The following LGSN variants were observed in gnomAD, a reference collection of about 807,000 sequenced individuals.
LGSN encodes the protein lengsin, lens protein with glutamine synthetase domain, also known as lengsin.
A neutral mutation model predicts 19.5 loss-of-function variants in LGSN; 21 were observed. That is an observed-to-expected ratio of 1.07 (90% CI 0.76 to 1.55). The LOEUF (loss-of-function observed/expected upper bound fraction) is 1.55. Ranked by LOEUF, LGSN falls within the 40% of genes most tolerant of loss-of-function variation. The pLI is 0.00. For synonymous variants in LGSN, 257 were observed against 215.6 expected (o/e 1.19, Z -1.68); for missense variants, 673 against 608.5 (o/e 1.11, Z -1.12).
chr6:63,393,390 G>T, the LGSN span, among the ~76,000 whole-genome samples: 1 of 151,050 alleles, frequency 6.6e-6, no homozygotes, highest in Non-Finnish European at 1.5e-5. Flanking sequence ...TGTTGGTCAG[G>T]CTGGTCTCGA....
At chr6:63,470,933 C>CTTTTTT in the LGSN span, among the ~76,000 whole-genome samples, 11 of 73,062 alleles carry the variant, frequency 1.5e-4, no homozygotes, top group Non-Finnish European at 2.1e-4. Flanking sequence ...TTCAGTCTTT[C>CTTTTTT]TTTTTTTTTT....
At chr6:63,288,402 A>G (rs1433852643) in intron 2 of LGSN, among the ~76,000 whole-genome samples, 3 of 151,868 alleles carry the variant, frequency 2.0e-5, no homozygotes, top group Non-Finnish European at 1.5e-5. Context: ...TGGGGCAAGT[A>G]TAGATAATAA....
the LGSN span, among the ~76,000 whole-genome samples, chr6:63,475,213 C>T: frequency 6.6e-6 from 1 of 151,238 alleles, no homozygotes; most frequent in African/African-American, 2.4e-5. Context: ...TCATCATATA[C>T]TTCATAGTCC....
the LGSN span, among the ~76,000 whole-genome samples, chr6:63,373,248 T>C: frequency 6.6e-6 from 1 of 152,212 alleles, no homozygotes; most frequent in Non-Finnish European, 1.5e-5. Flanking sequence ...AGAAAAAAGA[T>C]ATTTAAGTGA....
chr6:63,540,309 A>G, the LGSN span, among the ~76,000 whole-genome samples: 2 of 152,136 alleles, frequency 1.3e-5, no homozygotes, highest in African/African-American at 2.4e-5. Context: ...TAAAATCCAG[A>G]TGTGTATAGA....
chr6:63,396,944 G>C, the LGSN span: 1 of 152,658 alleles, frequency 6.6e-6, no homozygotes, highest in East Asian at 1.9e-4. Flanking sequence ...TGGCTGGTGA[G>C]GGCTAGACCC....
chr6:63,484,422 A>T, the LGSN span, among the ~76,000 whole-genome samples: 1 of 151,876 alleles, frequency 6.6e-6, no homozygotes, highest in Non-Finnish European at 1.5e-5. Flanking sequence ...TACTCAGGAG[A>T]CTGAGACAGG....
the LGSN span, among the ~76,000 whole-genome samples, chr6:63,464,708 T>C: frequency 6.6e-6 from 1 of 151,788 alleles, no homozygotes; most frequent in African/African-American, 2.4e-5. Flanking sequence ...AACTTTAAAT[T>C]TTATTAAAAG....
chr6:63,490,587 T>C, the LGSN span, among the ~76,000 whole-genome samples: 1 of 152,060 alleles, frequency 6.6e-6, no homozygotes, highest in African/African-American at 2.4e-5. Context: ...ATTATTATTA[T>C]TATTTTTGAG....
the LGSN span, among the ~76,000 whole-genome samples, chr6:63,454,148 T>C: frequency 6.6e-6 from 1 of 152,336 alleles, no homozygotes; most frequent in African/African-American, 2.4e-5. Context: ...ATTTTTAGTG[T>C]CTTTTTTATT....
the LGSN span, among the ~76,000 whole-genome samples, chr6:63,331,421 T>A: frequency 6.6e-6 from 1 of 152,096 alleles, no homozygotes; most frequent in African/African-American, 2.4e-5. Context: ...CAGAAAAAAA[T>A]GAGCCACCTC....
chr6:63,533,390 A>G, the LGSN span, among the ~76,000 whole-genome samples: 1 of 152,206 alleles, frequency 6.6e-6, no homozygotes, highest in East Asian at 1.9e-4. Flanking sequence ...TCAAAAAAGA[A>G]AACAATAAGA....
chr6:63,528,758 GTC>G, the LGSN span, among the ~76,000 whole-genome samples: 13 of 150,094 alleles, frequency 8.7e-5, no homozygotes, highest in African/African-American at 3.2e-4. Context: ...GTGAGACCCT[GTC>G]TCAAAAAAAA....
the LGSN span, among the ~76,000 whole-genome samples, chr6:63,400,716 G>A: frequency 2.0e-5 from 3 of 152,296 alleles, no homozygotes; most frequent in Admixed American, 6.5e-5. Flanking sequence ...AATTTCGGCC[G>A]GGCGTGGTGG....
chr6:63,512,192 C>G, the LGSN span, among the ~76,000 whole-genome samples: 1 of 151,982 alleles, frequency 6.6e-6, no homozygotes, highest in Non-Finnish European at 1.5e-5. Flanking sequence ...AAGCGATTCT[C>G]CTGCCTCAGC....
the LGSN span, among the ~76,000 whole-genome samples, chr6:63,450,930 C>T: frequency 6.6e-6 from 1 of 152,068 alleles, no homozygotes; most frequent in East Asian, 1.9e-4. Flanking sequence ...TGGCCTTGGC[C>T]TCCCAAAGTG....
the LGSN span, among the ~76,000 whole-genome samples, chr6:63,412,415 G>GAAGAAAGA: frequency 7.7e-3 from 826 of 107,812 alleles, 14 homozygotes; most frequent in Middle Eastern, 0.032. Context: ...AAGAAAGAAA[G>GAAGAAAGA]AAGAAAGAAA....
the LGSN span, among the ~76,000 whole-genome samples, chr6:63,422,103 G>A: frequency 3.9e-5 from 6 of 151,992 alleles, no homozygotes; most frequent in African/African-American, 1.2e-4. Flanking sequence ...TCTGTCTGTC[G>A]CCCAGGCTGG....
the LGSN span, among the ~76,000 whole-genome samples, chr6:63,477,597 GT>G: frequency 7.5e-6 from 1 of 133,870 alleles, no homozygotes; most frequent in Non-Finnish European, 1.6e-5. Flanking sequence ...CTTCAAAAAT[GT>G]TTTTCGTCAC....
Sources: gnomAD v4.1 joint callset for allele counts (sites outside exome capture counted in the v4.1 genomes callset) on GRCh38, gnomAD v4.1.1 for gene constraint, MANE v1.5 for transcripts, NCBI Gene and HGNC (gene_info 2026-07-23, HGNC 2026-07-21) for gene names.